GAB1: variants seen among roughly 807,000 people sequenced by gnomAD.
GAB1 encodes the protein GRB2 associated binding protein 1.
A neutral mutation model predicts 66.5 loss-of-function variants in GAB1; 19 were observed. The ratio of observed to expected loss-of-function variants is 0.29; its 90% CI spans 0.20 to 0.42. The LOEUF is 0.42. Among genes scored for constraint, GAB1 ranks in the 10% least tolerant of loss-of-function variants. The probability of loss-of-function intolerance (pLI) is 1.00; values close to 1 mark genes in which losing one functional copy is unlikely to be tolerated. For synonymous variants in GAB1, 294 were observed against 301.4 expected (o/e 0.98, Z 0.25); for missense variants, 732 against 858.5 (o/e 0.85, Z 1.84).
At chr4:143,388,914 A>T (rs1338041093) in intron 1 of GAB1, among the ~76,000 whole-genome samples, 4 of 152,232 alleles carry the variant, frequency 2.6e-5, no homozygotes, top group Non-Finnish European at 5.9e-5. Flanking sequence ...AATCAGGCAG[A>T]GCTTTTGCAA....
chr4:143,349,620 G>A (rs1056613939), intron 1 of GAB1: 4 of 1,458,470 alleles, frequency 2.7e-6, no homozygotes, highest in South Asian at 1.2e-5. Context: ...TGCAAGGGAC[G>A]GTGTGGGGCT....
intron 1 of GAB1, among the ~76,000 whole-genome samples, chr4:143,373,044 A>AACAC (rs36205621): frequency 0.033 from 4,843 of 148,250 alleles, 255 homozygotes; most frequent in African/African-American, 0.11. Flanking sequence ...TTCCTTTAAA[A>AACAC]ACACACACAC....
In GAB1 at chr4:143,471,048, A is replaced by G. The variant is rs950175732; in HGVS notation, c.*1859A>G. On this transcript the variant is annotated 3_prime_UTR_variant, in exon 10 of 10. Coordinates refer to ENST00000262994, the MANE Select transcript of GAB1 (RefSeq NM_002039.4). Reference sequence around the variant, plus strand: ...TAAAATCCTGAAATGTGCCTAAACTATCAAAACACACGATACAGCTAATGT... The same window carrying G: ...TAAAATCCTGAAATGTGCCTAAACTGTCAAAACACACGATACAGCTAATGT... 2 of 152,238 alleles carry G rather than the reference A, an allele frequency of 1.3e-5. No homozygotes were observed. Among genetic ancestry groups the G allele is most frequent in the Non-Finnish European group, 2.9e-5 (2 of 68,036 alleles). 9.4% of individuals were successfully genotyped at this position (152,238 alleles called of 1,614,324 possible). A position where few individuals can be genotyped will look rare whatever the true frequency, so the allele number is the denominator to read the frequency against.
At chr4:143,459,265 A>G in intron 6 of GAB1, 120 bp from the exon 7 acceptor site, 1 of 671,672 alleles carries the variant, frequency 1.5e-6, no homozygotes, top group Non-Finnish European at 2.7e-6. Flanking sequence ...TCACATGTGA[A>G]ACTAGGTGGT....
intron 2 of GAB1, among the ~76,000 whole-genome samples, chr4:143,423,637 C>A (rs563028941): frequency 6.6e-6 from 1 of 150,766 alleles, no homozygotes; most frequent in South Asian, 2.1e-4. Context: ...ATTAGCCAGG[C>A]GTGGTGGCAG....
intron 6 of GAB1, among the ~76,000 whole-genome samples, chr4:143,448,694 A>C (rs1489842692): frequency 6.6e-6 from 1 of 151,522 alleles, no homozygotes; most frequent in East Asian, 1.9e-4. Context: ...TTTCTTTATT[A>C]GTCTTTCTAG....
intron 2 of GAB1, chr4:143,425,354 C>G: frequency 1.3e-6 from 1 of 763,876 alleles, no homozygotes; most frequent in South Asian, 1.3e-5. Context: ...TTGCTGGTCA[C>G]TTCACTCCTG....
chr4:143,413,824 C>CCCTTTTTTTTTTTTTT (rs61697817), intron 1 of GAB1, among the ~76,000 whole-genome samples: 1 of 67,832 alleles, frequency 1.5e-5, no homozygotes, highest in African/African-American at 9.4e-5. Context: ...CCCCGCTGCC[C>CCCTTTTTTTTTTTTTT]TTTTTTTTTT....
chr4:143,409,386 TCC>T lies in GAB1; in HGVS notation c.73-6082_73-6081del, dbSNP rs146705733. 2.1e-3 allele frequency among the ~76,000 whole-genome samples: 293 copies of T among 138,678 alleles called. 6 individuals carry two copies. The highest frequency in any genetic ancestry group is 7.5e-3 in the African/African-American group (277 of 37,166). The allele number at this position is 138,678 out of a possible 152,430, so 91.0% of individuals were successfully genotyped here. A position where few individuals can be genotyped will look rare whatever the true frequency, so the allele number is the denominator to read the frequency against. ...GGACTTCAATAACAACTTTGAACTT[TCC>T]CCCCCCCCGCTCTGAAATCTTTTCA... On this transcript the variant is annotated intron_variant, in intron 1 of 9. Transcript: ENST00000262994.
intron 1 of GAB1, chr4:143,395,037 A>G (rs1731371633): frequency 6.6e-6 from 1 of 152,220 alleles, no homozygotes; most frequent in Non-Finnish European, 1.5e-5. Context: ...TAAGAGCTTG[A>G]TCATTGTCAT....
chr4:143,416,769 G>A (rs959779101), intron 2 of GAB1, among the ~76,000 whole-genome samples: 9 of 152,110 alleles, frequency 5.9e-5, no homozygotes, highest in Non-Finnish European at 1.0e-4. Context: ...GCAAGATGCC[G>A]TCTCAAAAAA....
chr4:143,370,700 C>T (rs1357837025), intron 1 of GAB1, among the ~76,000 whole-genome samples: 2 of 152,160 alleles, frequency 1.3e-5, no homozygotes, highest in Non-Finnish European at 2.9e-5. Context: ...TCTCCCCGCT[C>T]CCCTGACCCC....
In GAB1 at chr4:143,467,579, T is replaced by C. The variant is rs577925583; in HGVS notation, c.1926+1354T>C. On this transcript the variant is annotated intron_variant, in intron 9 of 9. Coordinates refer to ENST00000262994, the MANE Select transcript of GAB1 (RefSeq NM_002039.4). ...CTGAATCTGTGTATATTGTTTCTCC[T>C]ATCTCACACTCTCTACAGTTTGTTT... is the stretch of plus-strand genomic sequence containing the variant. Among the ~76,000 whole-genome samples, 26 of 152,358 alleles carry C rather than the reference T, an allele frequency of 1.7e-4. No homozygotes were observed. The South Asian group carries it at 4.8e-3, about 28-fold the overall frequency.
intron 1 of GAB1, among the ~76,000 whole-genome samples, chr4:143,370,944 A>G (rs1011261540): frequency 9.2e-5 from 14 of 152,166 alleles, no homozygotes; most frequent in Admixed American, 3.3e-4. Flanking sequence ...AATCTAGTCT[A>G]TCATTGATGG....
intron 1 of GAB1, chr4:143,349,816 T>A: frequency 6.3e-7 from 1 of 1,586,258 alleles, no homozygotes; most frequent in Non-Finnish European, 8.5e-7. Context: ...ACGGGTCTGC[T>A]TCTGCACTGG....
intron 1 of GAB1, among the ~76,000 whole-genome samples, chr4:143,359,166 T>A (rs1183098474): frequency 2.0e-5 from 3 of 152,182 alleles, no homozygotes; most frequent in Non-Finnish European, 4.4e-5. Context: ...TGCCCCAGGG[T>A]TGGCCTCCTT....
chr4:143,439,504 G>A (rs987463285), intron 4 of GAB1: 3 of 311,920 alleles, frequency 9.6e-6, no homozygotes, highest in Non-Finnish European at 1.2e-5. Context: ...TGCAAACGAT[G>A]AGAAAATAGA....
chr4:143,363,854 C>G (rs1221468286), intron 1 of GAB1, among the ~76,000 whole-genome samples: 1 of 152,104 alleles, frequency 6.6e-6, no homozygotes, highest in African/African-American at 2.4e-5. Context: ...TTCCCCACAT[C>G]CCACCCTAGA....
chr4:143,448,817 C>T lies in GAB1; in HGVS notation c.1585+8435C>T, dbSNP rs1167904110. On this transcript the variant is annotated intron_variant, in intron 6 of 9. Coordinates refer to ENST00000262994, the MANE Select transcript of GAB1 (RefSeq NM_002039.4). ...AGTTCTGCTCTGATTTTAGTTATTT[C>T]TTGCCTTCTGCTAGCTTTTGAATGT... is the stretch of plus-strand genomic sequence containing the variant. Among the ~76,000 whole-genome samples, 184 of 150,418 alleles carry T rather than the reference C, an allele frequency of 1.2e-3. 1 individual carries two copies. The highest frequency in any genetic ancestry group is 4.3e-3 in the African/African-American group (175 of 40,772).
Sources: allele counts gnomAD v4.1 joint callset (sites outside exome capture counted in the v4.1 genomes callset), GRCh38; gene constraint gnomAD v4.1.1; transcripts MANE v1.5; gene names NCBI Gene and HGNC (gene_info 2026-07-23, HGNC 2026-07-21).